Variants in NEURL1 observed in about 807,000 individuals in gnomAD.
NEURL1 encodes the protein neuralized E3 ubiquitin protein ligase 1.
NEURL1 carries 26 observed loss-of-function variants against 41.2 expected under a neutral mutation model. The observed-to-expected ratio is 0.63, with a 90% CI of 0.46 to 0.87. The LOEUF is 0.87. Among genes scored for constraint, NEURL1 ranks in the 40% least tolerant of loss-of-function variants. The probability of loss-of-function intolerance (pLI) is 0.00; values close to 1 mark genes in which losing one functional copy is unlikely to be tolerated. For missense variants in NEURL1, 761 were observed against 871.1 expected, an observed-to-expected ratio of 0.87 and a Z score of 1.59; for synonymous variants, 400 against 402.3, an observed-to-expected ratio of 0.99 and a Z score of 0.07.
intron 1 of NEURL1, among the ~76,000 whole-genome samples, chr10:103,538,107 T>C (rs1184778848): frequency 6.6e-6 from 1 of 152,094 alleles, no homozygotes; most frequent in African/African-American, 2.4e-5. Flanking sequence ...ATTTATTTAT[T>C]TATTTGAGAC....
At chr10:103,548,699 C>T (rs979143043) in intron 1 of NEURL1, among the ~76,000 whole-genome samples, 9 of 152,222 alleles carry the variant, frequency 5.9e-5, no homozygotes, top group Non-Finnish European at 1.5e-5. Context: ...TTTAGTCCTT[C>T]CAGTTCTACG....
At chr10:103,562,377 C>T (rs570274897) in intron 1 of NEURL1, among the ~76,000 whole-genome samples, 5 of 152,166 alleles carry the variant, frequency 3.3e-5, no homozygotes, top group Non-Finnish European at 7.3e-5. Flanking sequence ...AGCCAGACTC[C>T]GTCTCAAAGC....
chr10:103,510,218 T>C (rs1045692903), intron 1 of NEURL1, among the ~76,000 whole-genome samples: 7 of 152,198 alleles, frequency 4.6e-5, no homozygotes, highest in African/African-American at 1.4e-4. Context: ...GGTCTCTGGC[T>C]GCAAGCTTTG....
Position 103,571,601 on chromosome 10 carries a change from G to GCCCCGA in NEURL1, c.431_436dup (p.Pro144_Asp145dup), listed in dbSNP as rs775423131. 1.9e-6 allele frequency: 3 copies of GCCCCGA among 1,613,958 alleles called. No homozygotes were observed. In the African/African-American group the frequency reaches 4.0e-5, roughly 22 times the overall value. On this transcript the variant is annotated inframe_insertion, in exon 3 of 6. Coordinates refer to ENST00000369780, the MANE Select transcript of NEURL1 (RefSeq NM_004210.5). The stretch of plus-strand genomic sequence containing the variant: ...CCTGACTCGCTGCCCAAGTACGCCT[G>GCCCCGA]CCCCGACCTGGTGTCCCAGAGTGGC...
chr10:103,508,156 G>C lies in NEURL1; in HGVS notation c.85+13684G>C, dbSNP rs2033990424. 6.6e-6 allele frequency among the ~76,000 whole-genome samples: 1 copy of C among 152,228 alleles called. No homozygotes were observed. Among genetic ancestry groups the C allele is most frequent in the Non-Finnish European group, 1.5e-5 (1 of 68,028 alleles). ...TGGGGAGAGGAGGAAACGCCTGTTT[G>C]TCTCCGCCCCTGGGCTTGGGGACTT... is the stretch of plus-strand genomic sequence containing the variant. On this transcript the variant is annotated intron_variant, in intron 1 of 5. Transcript: ENST00000369780. The surrounding 1 kb of genome is among the most constrained non-coding windows in gnomAD (Gnocchi z 4.3).
At chr10:103,503,921 C>T (rs545599389) in intron 1 of NEURL1, among the ~76,000 whole-genome samples, 1 of 151,226 alleles carries the variant, frequency 6.6e-6, no homozygotes, top group South Asian at 2.1e-4. Flanking sequence ...TCCTGAGTAG[C>T]TAAGACTACA....
intron 1 of NEURL1, among the ~76,000 whole-genome samples, chr10:103,538,202 G>T (rs1186855002): frequency 6.6e-6 from 1 of 151,690 alleles, no homozygotes; most frequent in Non-Finnish European, 1.5e-5. Flanking sequence ...TCAAGTGATT[G>T]TCGTGCCTCA....
intron 4 of NEURL1, among the ~76,000 whole-genome samples, chr10:103,586,750 T>C (rs2035932225): frequency 6.6e-6 from 1 of 151,990 alleles, no homozygotes; most frequent in Non-Finnish European, 1.5e-5. Flanking sequence ...GAAACATAAA[T>C]AAAAAGGAAA....
intron 4 of NEURL1, chr10:103,589,068 T>G (rs1592246929): frequency 5.3e-6 from 2 of 378,276 alleles, no homozygotes; most frequent in Non-Finnish European, 1.0e-5. Flanking sequence ...GCAGAAAAGG[T>G]GGGTGATATC....
At chr10:103,537,999 A>G (rs2034731252) in intron 1 of NEURL1, among the ~76,000 whole-genome samples, 2 of 152,162 alleles carry the variant, frequency 1.3e-5, no homozygotes, top group Non-Finnish European at 1.5e-5. Context: ...AATGGGAATG[A>G]TACAGTATGG....
In NEURL1 at chr10:103,584,838, C is replaced by G; in HGVS notation, c.952C>G (p.His318Asp). The part of the protein sequence containing the change: ...LDEQTVARVE[H>D]GRDERALVFT... ...CGAGCAGACGGTGGCGCGCGTGGAGCACGGGCGCGACGAGCGCGCGCTCGT... is the reference window on the plus strand; with the variant it reads ...CGAGCAGACGGTGGCGCGCGTGGAGGACGGGCGCGACGAGCGCGCGCTCGT... Residue 318 changes from histidine to aspartate, a missense_variant, in exon 4 of 6, where the codon CAC becomes GAC. Coordinates refer to ENST00000369780, the MANE Select transcript of NEURL1 (RefSeq NM_004210.5). 1 of 1,410,928 alleles carries G rather than the reference C, an allele frequency of 7.1e-7. No individual in the cohort carries two copies. The highest frequency in any genetic ancestry group is 9.2e-7 in the Non-Finnish European group (1 of 1,091,800). The allele number at this position is 1,410,928 out of a possible 1,614,324, so 87.4% of individuals were successfully genotyped here.
At chr10:103,496,961 A>C (rs1353345878) in intron 1 of NEURL1, among the ~76,000 whole-genome samples, 1 of 152,104 alleles carries the variant, frequency 6.6e-6, no homozygotes, top group Non-Finnish European at 1.5e-5. Context: ...AGAAGGCAGG[A>C]GTGGGGGCCC....
chr10:103,513,244 C>T (rs968366053), intron 1 of NEURL1, among the ~76,000 whole-genome samples: 3 of 152,246 alleles, frequency 2.0e-5, no homozygotes, highest in Non-Finnish European at 4.4e-5. Context: ...GACAAGCAGG[C>T]ACATTTTCAT....
At chr10:103,559,873 T>C (rs970662361) in intron 1 of NEURL1, among the ~76,000 whole-genome samples, 2 of 151,724 alleles carry the variant, frequency 1.3e-5, no homozygotes, top group East Asian at 1.9e-4. Flanking sequence ...CATGTACACA[T>C]ACGCACACAC....
intron 3 of NEURL1, among the ~76,000 whole-genome samples, chr10:103,573,152 G>A (rs1188679508): frequency 6.6e-6 from 1 of 152,176 alleles, no homozygotes; most frequent in African/African-American, 2.4e-5. Context: ...TTATTAGCTA[G>A]TAGTTTGGGA....
chr10:103,584,782 TGCGCGCCGGC>T lies in NEURL1; in HGVS notation c.901_910del (p.Ala301ThrfsTer200). On this transcript the variant is annotated frameshift_variant, in exon 4 of 6. Transcript: ENST00000369780. LOFTEE classifies it high-confidence loss of function. ...GACGGCGACCTGCGTTTCCACGCCC[TGCGCGCCGGC>T]GCGCACGTCCGCATCCTCGACGAGC... 1.0e-6 allele frequency: 1 copy of T among 992,374 alleles called. No homozygotes were observed. The allele number at this position is 992,374 out of a possible 1,614,324, so 61.5% of individuals were successfully genotyped here. A position where few individuals can be genotyped will look rare whatever the true frequency, so the allele number is the denominator to read the frequency against.
chr10:103,527,043 T>C (rs1020398632), intron 1 of NEURL1, among the ~76,000 whole-genome samples: 2 of 152,160 alleles, frequency 1.3e-5, no homozygotes, highest in African/African-American at 4.8e-5. Context: ...TTATGGTTAT[T>C]TCTTATCATA....
At position 103,523,888 on chromosome 10, in the gene NEURL1, G is replaced by C. The variant is rs150692479; in HGVS notation, c.85+29416G>C. 7.5e-3 allele frequency among the ~76,000 whole-genome samples: 1,146 copies of C among 152,258 alleles called. 16 individuals carry two copies. The highest frequency in any genetic ancestry group is 0.027 in the African/African-American group (1,102 of 41,548). ...GATTTCATATCTTGGCTATTATGAA[G>C]AGTGCTGCAATAAACATGGGCGTGC... On this transcript the variant is annotated intron_variant, in intron 1 of 5. Coordinates refer to ENST00000369780, the MANE Select transcript of NEURL1 (RefSeq NM_004210.5).
In NEURL1 at chr10:103,584,665, C is replaced by T. The variant is rs1159121059; in HGVS notation, c.779C>T (p.Ala260Val). ...CTATGCGACCTCAACGTGCCGGGCG[C>T]GGACGGCGACGAGGCCGCGCCGGCC... Reference protein sequence around the residue: ...VSLCDLNVPGADGDEAAPAAG... With the variant: ...VSLCDLNVPGVDGDEAAPAAG... Residue 260 changes from alanine (A) to valine (V), a missense_variant, in exon 4 of 6, where the codon GCG (alanine) becomes GTG (valine). Coordinates refer to ENST00000369780, the MANE Select transcript of NEURL1 (RefSeq NM_004210.5). 7.0e-7 allele frequency: 1 copy of T among 1,425,776 alleles called. No individual in the cohort carries two copies. The highest frequency in any genetic ancestry group is 9.1e-7 in the Non-Finnish European group (1 of 1,096,012). The allele number at this position is 1,425,776 out of a possible 1,614,324, so 88.3% of individuals were successfully genotyped here. A position where few individuals can be genotyped will look rare whatever the true frequency, so the allele number is the denominator to read the frequency against.
Sources: allele counts gnomAD v4.1 joint callset (sites outside exome capture counted in the v4.1 genomes callset), GRCh38; gene constraint gnomAD v4.1.1; non-coding constraint Gnocchi (gnomAD v3.1); transcripts MANE v1.5; gene names NCBI Gene and HGNC (gene_info 2026-07-23, HGNC 2026-07-21).